LMX1A: variants seen among roughly 807,000 people sequenced by gnomAD.
LMX1A encodes the protein LIM homeobox transcription factor 1 alpha.
A neutral mutation model predicts 49.1 loss-of-function variants in LMX1A; 15 were observed. The ratio of observed to expected loss-of-function variants is 0.31; its 90% CI spans 0.20 to 0.47. The LOEUF is 0.47. Among genes scored for constraint, LMX1A ranks in the 20% least tolerant of loss-of-function variants. The probability of loss-of-function intolerance (pLI) is 1.00; values close to 1 mark genes in which losing one functional copy is unlikely to be tolerated. For missense variants in LMX1A, 372 were observed against 475.8 expected, an observed-to-expected ratio of 0.78 and a Z score of 2.03; for synonymous variants, 167 against 185.7, an observed-to-expected ratio of 0.90 and a Z score of 0.82.
At chr1:165,252,541 C>A (rs1396114720) in intron 3 of LMX1A, among the ~76,000 whole-genome samples, 1 of 152,128 alleles carries the variant, frequency 6.6e-6, no homozygotes, top group East Asian at 1.9e-4. Context: ...TTACTATTTC[C>A]AAAATAAAGA....
At chr1:165,241,485 C>T (rs1466693985) in intron 4 of LMX1A, among the ~76,000 whole-genome samples, 2 of 152,126 alleles carry the variant, frequency 1.3e-5, no homozygotes, top group Non-Finnish European at 2.9e-5. Flanking sequence ...CCCTATTTAC[C>T]GATTAGGAAA....
In LMX1A at chr1:165,226,438, G is replaced by T. The variant is rs567340462; in HGVS notation, c.497-12625C>A. On this transcript the variant is annotated intron_variant, in intron 4 of 8. Transcript: ENST00000342310. The stretch of plus-strand genomic sequence containing the variant: ...ACAAAGCACAAATGCCATCCAATGT[G>T]TGGGCTTAGCTCAGTGTCCTAGATC... Among the ~76,000 whole-genome samples the T allele has an allele frequency of 2.0e-4, 31 of 152,318 alleles. No individual in the cohort carries two copies. In the Middle Eastern group the frequency reaches 0.01, roughly 50 times the overall value.
intron 3 of LMX1A, among the ~76,000 whole-genome samples, chr1:165,313,599 G>T (rs771915281): frequency 1.3e-5 from 2 of 151,700 alleles, no homozygotes; most frequent in Non-Finnish European, 2.9e-5. Flanking sequence ...GGAATCCCAG[G>T]CTGGAAACTT....
intron 3 of LMX1A, among the ~76,000 whole-genome samples, chr1:165,340,162 C>T (rs972519985): frequency 3.9e-5 from 6 of 152,132 alleles, no homozygotes; most frequent in Non-Finnish European, 8.8e-5. Flanking sequence ...GGTTGGAGTG[C>T]AATGGTGATG....
At chr1:165,284,872 T>C (rs1654260466) in intron 3 of LMX1A, among the ~76,000 whole-genome samples, 1 of 152,184 alleles carries the variant, frequency 6.6e-6, no homozygotes, top group African/African-American at 2.4e-5. Context: ...TTCGGGTTTC[T>C]GACCAGCCTG....
At chr1:165,236,698 A>G (rs1355508215) in intron 4 of LMX1A, among the ~76,000 whole-genome samples, 1 of 151,026 alleles carries the variant, frequency 6.6e-6, no homozygotes, top group African/African-American at 2.4e-5. Flanking sequence ...AGGTATTTCA[A>G]CTCCATCCCT....
At chr1:165,255,622 T>C (rs1376661674) in intron 3 of LMX1A, among the ~76,000 whole-genome samples, 1 of 152,220 alleles carries the variant, frequency 6.6e-6, no homozygotes, top group African/African-American at 2.4e-5. Flanking sequence ...GCCTTTATCA[T>C]TTGACCTTTG....
At chr1:165,303,341 T>A (rs552611186) in intron 3 of LMX1A, among the ~76,000 whole-genome samples, 2 of 152,180 alleles carry the variant, frequency 1.3e-5, no homozygotes, top group African/African-American at 4.8e-5. Context: ...AGTGATCATC[T>A]CCTTTATGGC....
intron 4 of LMX1A, among the ~76,000 whole-genome samples, chr1:165,229,019 T>C (rs1652148599): frequency 6.6e-6 from 1 of 152,126 alleles, no homozygotes; most frequent in African/African-American, 2.4e-5. Flanking sequence ...ATAGTTAAAA[T>C]AGAAATGATC....
At chr1:165,293,571 G>T (rs1654537963) in intron 3 of LMX1A, among the ~76,000 whole-genome samples, 1 of 152,232 alleles carries the variant, frequency 6.6e-6, no homozygotes, top group African/African-American at 2.4e-5. Flanking sequence ...ATAGTTCATA[G>T]TTGTTAAGCA....
intron 3 of LMX1A, among the ~76,000 whole-genome samples, chr1:165,268,265 C>T (rs190275937): frequency 6.6e-6 from 1 of 152,328 alleles, no homozygotes; most frequent in Non-Finnish European, 1.5e-5. Context: ...GAAGCCAAGT[C>T]TAAGCCAAAA....
chr1:165,342,413 G>C (rs1344251727), intron 3 of LMX1A, among the ~76,000 whole-genome samples: 2 of 152,182 alleles, frequency 1.3e-5, no homozygotes, highest in African/African-American at 4.8e-5. Flanking sequence ...GTGCAGACAA[G>C]CTCCCAGGAC....
rs1161163751 is a variant in LMX1A, at chr1:165,222,708, C to G, written c.497-8895G>C. On this transcript the variant is annotated intron_variant, in intron 4 of 8. Coordinates refer to ENST00000342310, the MANE Select transcript of LMX1A (RefSeq NM_177398.4). ...CATAGAGAGAAGTTGCCTGAATGAC[C>G]ACAGCTGATCAGACTGCTTGAGCCC... Among the ~76,000 whole-genome samples, 6 of 152,248 alleles carry G rather than the reference C, an allele frequency of 3.9e-5. No homozygotes were observed. In the East Asian group the frequency reaches 7.7e-4, roughly 20 times the overall value.
chr1:165,265,441 T>C (rs1653593352), intron 3 of LMX1A, among the ~76,000 whole-genome samples: 1 of 152,168 alleles, frequency 6.6e-6, no homozygotes. Context: ...ACTTTTGCCT[T>C]TTGGCAAAGG....
intron 3 of LMX1A, among the ~76,000 whole-genome samples, chr1:165,311,951 T>C (rs1368236985): frequency 2.6e-5 from 4 of 152,202 alleles, no homozygotes; most frequent in African/African-American, 9.6e-5. Context: ...AGTGCCACCA[T>C]GGCCATTCTA....
At chr1:165,269,059 C>G in intron 3 of LMX1A, among the ~76,000 whole-genome samples, 1 of 152,148 alleles carries the variant, frequency 6.6e-6, no homozygotes, top group Non-Finnish European at 1.5e-5. Flanking sequence ...CAAGAGCTAC[C>G]CAGAGATGGA....
intron 3 of LMX1A, among the ~76,000 whole-genome samples, chr1:165,318,070 CT>C (rs1310255874): frequency 1.3e-5 from 2 of 152,212 alleles, no homozygotes; most frequent in Non-Finnish European, 2.9e-5. Flanking sequence ...GCTGAGGTAA[CT>C]TTCTGGCTTT....
chr1:165,233,709 T>A (rs1652318346), intron 4 of LMX1A, among the ~76,000 whole-genome samples: 1 of 152,208 alleles, frequency 6.6e-6, no homozygotes, highest in Non-Finnish European at 1.5e-5. Flanking sequence ...CTCTCAGTCA[T>A]CCTCAACTTC....
chr1:165,214,553 C>A (rs764252503), intron 4 of LMX1A, among the ~76,000 whole-genome samples: 3 of 152,192 alleles, frequency 2.0e-5, no homozygotes, highest in African/African-American at 7.2e-5. Context: ...TATACCAGTA[C>A]GGCACTGAGT....
Sources: allele counts gnomAD v4.1 joint callset (sites outside exome capture counted in the v4.1 genomes callset), GRCh38; gene constraint gnomAD v4.1.1; transcripts MANE v1.5; gene names NCBI Gene and HGNC (gene_info 2026-07-23, HGNC 2026-07-21).